Variants in KCNJ6 observed in about 807,000 individuals in gnomAD.
KCNJ6 encodes the protein G protein-activated inward rectifier potassium channel 2.
KCNJ6 carries 9 observed loss-of-function variants against 34.2 expected under a neutral mutation model. The observed-to-expected ratio is 0.26, with a 90% confidence interval of 0.16 to 0.46. KCNJ6 has a LOEUF of 0.46. Ranked by LOEUF, KCNJ6 falls within the 20% of genes least tolerant of loss-of-function variation. The pLI is 1.00. For synonymous variants in KCNJ6, 196 were observed against 207.1 expected (o/e 0.95, Z 0.46); for missense variants, 236 against 531.3 (o/e 0.44, Z 5.46).
intron 2 of KCNJ6, among the ~76,000 whole-genome samples, chr21:37,801,957 A>G (rs1427131421): frequency 6.6e-6 from 1 of 152,216 alleles, no homozygotes; most frequent in Non-Finnish European, 1.5e-5. Context: ...TAGTAGTTAG[A>G]GTGACTATGC....
At chr21:37,693,407 C>A (rs140522973) in intron 3 of KCNJ6, among the ~76,000 whole-genome samples, 3 of 152,134 alleles carry the variant, frequency 2.0e-5, no homozygotes, top group African/African-American at 7.2e-5. Context: ...GAATGAACCA[C>A]GGCGGATGAG....
At chr21:37,729,491 T>G (rs575706360) in intron 2 of KCNJ6, among the ~76,000 whole-genome samples, 1 of 152,272 alleles carries the variant, frequency 6.6e-6, no homozygotes, top group South Asian at 2.1e-4. Flanking sequence ...GCCTAGCTAA[T>G]TTTTGTACTT....
rs184670704 is a variant in KCNJ6, at chr21:37,748,594, A to G, written c.26-33463T>C. ...TAGGAAGTGGAAGACTTCATAAGCA[A>G]AAGCCCCAGTCTTAGTGGAACGCTT... On this transcript the variant is annotated intron_variant, in intron 2 of 3. Coordinates refer to ENST00000609713, the MANE Select transcript of KCNJ6 (RefSeq NM_002240.5). 2.0e-5 allele frequency among the ~76,000 whole-genome samples: 3 copies of G among 152,306 alleles called. No individual in the cohort carries two copies. In the East Asian group the frequency reaches 5.8e-4, roughly 29 times the overall value.
intron 3 of KCNJ6, among the ~76,000 whole-genome samples, chr21:37,661,163 AAT>A (rs768993246): frequency 5.5e-4 from 83 of 152,236 alleles, no homozygotes; most frequent in Non-Finnish European, 1.1e-3. Context: ...GTAACAGATT[AAT>A]AGTTATTTGA....
At chr21:37,748,814 A>T (rs2054980234) in intron 2 of KCNJ6, among the ~76,000 whole-genome samples, 1 of 152,106 alleles carries the variant, frequency 6.6e-6, no homozygotes. Flanking sequence ...TGCCCTACGG[A>T]GGTTTTATCC....
chr21:37,615,403 A>G lies in KCNJ6; in HGVS notation c.*9756T>C, dbSNP rs571237777. The G allele has an allele frequency of 6.6e-6, 1 of 152,388 alleles. No homozygotes were observed. The highest frequency in any genetic ancestry group is 2.4e-5 in the African/African-American group (1 of 41,492). 9.4% of individuals were successfully genotyped at this position (152,388 alleles called of 1,614,324 possible). ...GCCTCCCGAGTACCCAGCATTCTTA[A>G]GCAGTACCATGTCCAGAATTTCTCC... On this transcript the variant is annotated 3_prime_UTR_variant, in exon 4 of 4. Coordinates refer to ENST00000609713, the MANE Select transcript of KCNJ6 (RefSeq NM_002240.5).
At chr21:37,806,666 C>T (rs1218285352) in intron 2 of KCNJ6, among the ~76,000 whole-genome samples, 1 of 152,168 alleles carries the variant, frequency 6.6e-6, no homozygotes, top group African/African-American at 2.4e-5. Context: ...TTCATTATCT[C>T]CATTTTCTAG....
intron 1 of KCNJ6, among the ~76,000 whole-genome samples, chr21:37,847,136 T>TA (rs2055512987): frequency 6.6e-6 from 1 of 152,162 alleles, no homozygotes; most frequent in Non-Finnish European, 1.5e-5. Context: ...AATATAAATA[T>TA]AAAATACATA....
chr21:37,647,603 C>T lies in KCNJ6; in HGVS notation c.947-22119G>A, dbSNP rs185392026. 1.8e-4 allele frequency among the ~76,000 whole-genome samples: 28 copies of T among 152,306 alleles called. No homozygotes were observed. The East Asian group carries it at 5.0e-3, about 27-fold the overall frequency. ...GCCATGATCCACTCACCTTAATCCCCCCCAGAGTTAGGCCTCAAACATTAG... is the reference window on the plus strand; with the variant it reads ...GCCATGATCCACTCACCTTAATCCCTCCCAGAGTTAGGCCTCAAACATTAG... On this transcript the variant is annotated intron_variant, in intron 3 of 3. Transcript: ENST00000609713.
intron 3 of KCNJ6, among the ~76,000 whole-genome samples, chr21:37,696,904 C>G (rs2054666039): frequency 6.6e-6 from 1 of 152,174 alleles, no homozygotes; most frequent in Non-Finnish European, 1.5e-5. Context: ...CCTTCTGCCC[C>G]TAGCTCCTGA....
chr21:37,779,438 G>A (rs148369592), intron 2 of KCNJ6, among the ~76,000 whole-genome samples: 1 of 152,240 alleles, frequency 6.6e-6, no homozygotes, highest in Non-Finnish European at 1.5e-5. Flanking sequence ...TCAGCCCTTG[G>A]GGGGACCATG....
Position 37,692,325 on chromosome 21 carries a change from A to AT in KCNJ6, c.946+21885dup, listed in dbSNP as rs528293780. 3.3e-3 allele frequency among the ~76,000 whole-genome samples: 501 copies of AT among 150,250 alleles called. 4 individuals carry two copies. Among genetic ancestry groups the AT allele is most frequent in the African/African-American group, 0.011 (436 of 40,952 alleles). ...TACCCTTGAGAAAAAAAGGCAATGC[A>AT]TTTTTTTTTTCCTTCAGAATAATTT... On this transcript the variant is annotated intron_variant, in intron 3 of 3. Transcript: ENST00000609713.
intron 2 of KCNJ6, among the ~76,000 whole-genome samples, chr21:37,790,861 T>C (rs552742220): frequency 6.6e-6 from 1 of 152,366 alleles, no homozygotes; most frequent in African/African-American, 2.4e-5. Flanking sequence ...CAAAGGATCA[T>C]ACTGGTGTTT....
chr21:37,903,163 A>G (rs1448211366), intron 1 of KCNJ6, among the ~76,000 whole-genome samples: 2 of 152,082 alleles, frequency 1.3e-5, no homozygotes, highest in African/African-American at 4.8e-5. Flanking sequence ...CTGTATCCCC[A>G]CCCAAATCCC....
intron 2 of KCNJ6, among the ~76,000 whole-genome samples, chr21:37,825,431 A>G (rs2123558044): frequency 6.6e-6 from 1 of 152,310 alleles, no homozygotes; most frequent in Middle Eastern, 3.4e-3. Context: ...AGTACTTCAG[A>G]AAATGTTATC....
chr21:37,718,784 G>A (rs759510121), intron 2 of KCNJ6, among the ~76,000 whole-genome samples: 1 of 152,110 alleles, frequency 6.6e-6, no homozygotes, highest in Non-Finnish European at 1.5e-5. Flanking sequence ...CCTGCACGTT[G>A]TGCACAGGTA....
intron 3 of KCNJ6, among the ~76,000 whole-genome samples, chr21:37,706,971 G>T (rs1475509835): frequency 6.6e-6 from 1 of 152,232 alleles, no homozygotes; most frequent in Non-Finnish European, 1.5e-5. Flanking sequence ...GAAGACCTGG[G>T]AGTAATCTAC....
At chr21:37,860,572 G>A (rs1415992547) in intron 1 of KCNJ6, among the ~76,000 whole-genome samples, 1 of 152,196 alleles carries the variant, frequency 6.6e-6, no homozygotes, top group Non-Finnish European at 1.5e-5. Flanking sequence ...GTGGCATGGA[G>A]TTCCTGCAGG....
At chr21:37,871,343 A>T (rs2055651178) in intron 1 of KCNJ6, among the ~76,000 whole-genome samples, 1 of 152,178 alleles carries the variant, frequency 6.6e-6, no homozygotes. Context: ...TCACAGACGA[A>T]TGCCAGAGCT....
Sources: allele counts gnomAD v4.1 joint callset (sites outside exome capture counted in the v4.1 genomes callset), GRCh38; gene constraint gnomAD v4.1.1; transcripts MANE v1.5; gene names NCBI Gene and HGNC (gene_info 2026-07-23, HGNC 2026-07-21).